KCNU1: variants seen among roughly 807,000 people sequenced by gnomAD.
The protein encoded by KCNU1 is potassium channel subfamily U member 1.
A neutral mutation model predicts 126.8 loss-of-function variants in KCNU1; 93 were observed. The observed-to-expected ratio is 0.73, with a 90% CI of 0.62 to 0.87. The LOEUF is 0.87. KCNU1 is among the 40% of genes least tolerant of loss of function. The pLI is 0.00. For missense variants in KCNU1, 1,330 were observed against 1,367.1 expected (o/e 0.97, Z 0.43); for synonymous variants, 523 against 494.2 (o/e 1.06, Z -0.77).
chr8:36,821,354 C>T (rs1294425044), intron 10 of KCNU1, among the ~76,000 whole-genome samples: 1 of 152,206 alleles, frequency 6.6e-6, no homozygotes, highest in African/African-American at 2.4e-5. Context: ...TCCGTTACAA[C>T]CCCTACCACT....
intron 22 of KCNU1, among the ~76,000 whole-genome samples, chr8:36,913,547 C>T (rs902689354): frequency 1.3e-5 from 2 of 151,550 alleles, no homozygotes; most frequent in Admixed American, 6.6e-5. Flanking sequence ...AAGGACACAC[C>T]TAATGAAGGC....
intron 18 of KCNU1, among the ~76,000 whole-genome samples, chr8:36,853,384 C>G (rs917081540): frequency 3.4e-4 from 52 of 152,076 alleles, no homozygotes; most frequent in African/African-American, 1.3e-3. Context: ...GCATTTATAT[C>G]TAAAAATTTC....
At chr8:36,856,057 G>A (rs959510662) in intron 18 of KCNU1, among the ~76,000 whole-genome samples, 9 of 152,106 alleles carry the variant, frequency 5.9e-5, no homozygotes, top group Admixed American at 3.9e-4. Context: ...AACCCCTCTA[G>A]TGAATAATTA....
At chr8:36,878,515 C>A (rs1471153785) in intron 19 of KCNU1, among the ~76,000 whole-genome samples, 1 of 152,122 alleles carries the variant, frequency 6.6e-6, no homozygotes, top group Non-Finnish European at 1.5e-5. Context: ...TTCCCAGTTT[C>A]TCATGACAAG....
At chr8:36,929,842 A>G (rs899810303) in intron 24 of KCNU1, among the ~76,000 whole-genome samples, 2 of 152,090 alleles carry the variant, frequency 1.3e-5, no homozygotes, top group African/African-American at 4.8e-5. Context: ...GAGGAGGTGG[A>G]GGTCACGATC....
chr8:36,807,412 C>T lies in KCNU1; in HGVS notation c.618C>T (p.Leu206=). 1 of 1,613,444 alleles carries T rather than the reference C, an allele frequency of 6.2e-7. No homozygotes were observed. Among genetic ancestry groups the T allele is most frequent in the Non-Finnish European group, 8.5e-7 (1 of 1,179,526 alleles). The change falls in exon 6 of 27, where the codon CTC becomes CTT. Residue 206 remains leucine, a synonymous_variant. Transcript: ENST00000399881. ...RFLRALRLLE[L]PQILQILRAI... ...TAAGAGCCTTGCGCCTGCTAGAACTCCCTCAAATCTTGCAAATTCTACGAG... is the reference window on the plus strand; with the variant it reads ...TAAGAGCCTTGCGCCTGCTAGAACTTCCTCAAATCTTGCAAATTCTACGAG...
At chr8:36,856,736 G>A (rs1014561075) in intron 18 of KCNU1, among the ~76,000 whole-genome samples, 6 of 152,188 alleles carry the variant, frequency 3.9e-5, no homozygotes, top group South Asian at 2.1e-4. Context: ...ACAGTATTAC[G>A]CAATTAAATT....
chr8:36,811,592 G>A (rs1238799442), intron 7 of KCNU1, among the ~76,000 whole-genome samples: 2 of 152,160 alleles, frequency 1.3e-5, no homozygotes, highest in Non-Finnish European at 2.9e-5. Flanking sequence ...AGCCACACAG[G>A]AGATTAATGT....
rs779186218 is a variant in KCNU1 at position 36,910,983 on chromosome 8, C to T, written c.2385C>T (p.Ser795=). The change falls in exon 22 of 27, where the codon TCC becomes TCT. Residue 795 remains serine (S), a synonymous_variant. Coordinates refer to ENST00000399881, the MANE Select transcript of KCNU1 (RefSeq NM_001031836.3). ...ATGCGGCCAACATAGAGCAATGCTC[C>T]ATGTGTGCTGTCTTGTCCCCCCCAC... is the stretch of plus-strand genomic sequence containing the variant. The part of the protein sequence containing the change: ...DLHAANIEQC[S]MCAVLSPPPQ... 3.2e-5 allele frequency: 51 copies of T among 1,613,228 alleles called. No individual in the cohort carries two copies. Among genetic ancestry groups the T allele is most frequent in the Non-Finnish European group, 3.7e-5 (44 of 1,179,514 alleles).
At position 36,918,852 on chromosome 8, in the gene KCNU1, A is replaced by G. The variant is rs1202634711; in HGVS notation, c.2551A>G (p.Asn851Asp). 1 of 1,610,136 alleles carries G rather than the reference A, an allele frequency of 6.2e-7. No individual in the cohort carries two copies. Among genetic ancestry groups the G allele is most frequent in the East Asian group, 2.2e-5 (1 of 44,836 alleles). The change falls in exon 23 of 27, where the codon AAT (asparagine) becomes GAT (aspartate). Residue 851 changes from asparagine (N) to aspartate (D), a missense_variant. By Grantham distance (23) the Asn-to-Asp change is conservative. Coordinates refer to ENST00000399881, the MANE Select transcript of KCNU1 (RefSeq NM_001031836.3). ...GACTCCAGGTTACACAAATGGACAT[A>G]ATGAGAAATCAAACTGCCGAAAAGT... ...EETPGYTNGH[N>D]EKSNCRKVPI...
chr8:36,861,408 G>A (rs982377236), intron 18 of KCNU1, among the ~76,000 whole-genome samples: 6 of 152,120 alleles, frequency 3.9e-5, no homozygotes, highest in African/African-American at 1.4e-4. Context: ...CCTGGCTCTG[G>A]TCTCCTTTCA....
intron 7 of KCNU1, among the ~76,000 whole-genome samples, chr8:36,811,812 A>C (rs1174357399): frequency 6.6e-6 from 1 of 152,108 alleles, no homozygotes; most frequent in Non-Finnish European, 1.5e-5. Flanking sequence ...GGTGCCTATA[A>C]ACCCAGCTAC....
At chr8:36,883,923 A>T (rs1357055909) in intron 19 of KCNU1, among the ~76,000 whole-genome samples, 1 of 152,224 alleles carries the variant, frequency 6.6e-6, no homozygotes, top group Non-Finnish European at 1.5e-5. Flanking sequence ...GTTATCATAA[A>T]CTCACTAAAA....
intron 7 of KCNU1, among the ~76,000 whole-genome samples, chr8:36,810,077 T>A (rs1342595571): frequency 6.6e-6 from 1 of 151,824 alleles, no homozygotes; most frequent in Non-Finnish European, 1.5e-5. Flanking sequence ...CATGGTGAAA[T>A]CCTGTCTCTA....
rs78720649 is a variant in KCNU1, at chr8:36,891,499, G to C, written c.2010-14209G>C. 8.8e-3 allele frequency among the ~76,000 whole-genome samples: 1,335 copies of C among 152,110 alleles called. 9 individuals are homozygous for C. The highest frequency in any genetic ancestry group is 0.014 in the Non-Finnish European group (951 of 67,920). On this transcript the variant is annotated intron_variant, in intron 19 of 26. Coordinates refer to ENST00000399881, the MANE Select transcript of KCNU1 (RefSeq NM_001031836.3). ...GGATGGATGGATGGACTGATGCATAGAGAGATAATACTATCTTTCCTATTT... is the reference window on the plus strand; with the variant it reads ...GGATGGATGGATGGACTGATGCATACAGAGATAATACTATCTTTCCTATTT...
At chr8:36,902,421 G>A (rs1807455472) in intron 19 of KCNU1, among the ~76,000 whole-genome samples, 1 of 152,110 alleles carries the variant, frequency 6.6e-6, no homozygotes, top group Non-Finnish European at 1.5e-5. Context: ...TGAGGGTGGA[G>A]AGGGTGGAGA....
At chr8:36,888,333 C>T in intron 19 of KCNU1, 1 of 267,858 alleles carries the variant, frequency 3.7e-6, no homozygotes. Flanking sequence ...CCTTGATTGG[C>T]TCACCAGTAG....
At chr8:36,818,689 T>A (rs16885458) in intron 10 of KCNU1, among the ~76,000 whole-genome samples, 2 of 152,186 alleles carry the variant, frequency 1.3e-5, no homozygotes, top group Non-Finnish European at 2.9e-5. Flanking sequence ...GAAATGACAT[T>A]TTGATCTTAC....
intron 19 of KCNU1, among the ~76,000 whole-genome samples, chr8:36,872,672 C>A (rs1362191725): frequency 6.6e-6 from 1 of 152,178 alleles, no homozygotes; most frequent in African/African-American, 2.4e-5. Context: ...TATCACTACA[C>A]AAGAGTCAGG....
Sources: gnomAD v4.1 joint callset for allele counts (sites outside exome capture counted in the v4.1 genomes callset) on GRCh38, gnomAD v4.1.1 for gene constraint, MANE v1.5 for transcripts, NCBI Gene and HGNC (gene_info 2026-07-23, HGNC 2026-07-21) for gene names.